The following MAMSTR variants were observed in gnomAD, a reference collection of about 807,000 sequenced individuals.
MAMSTR encodes the protein MEF2-activating motif and SAP domain-containing transcriptional regulator.
In MAMSTR, 41 loss-of-function variants were observed where a neutral mutation model predicts 42.7. The ratio of observed to expected loss-of-function variants is 0.96; its 90% confidence interval spans 0.75 to 1.25. The LOEUF is 1.25. MAMSTR is among the 50% of genes most tolerant of loss of function. MAMSTR has a pLI of 0.00. For synonymous variants in MAMSTR, 265 were observed against 244.1 expected (o/e 1.09, Z -0.80); for missense variants, 567 against 557.6 (o/e 1.02, Z -0.17).
chr19:48,715,824 G>A lies in MAMSTR; in HGVS notation c.98-57C>T, dbSNP rs2032996485. On this transcript the variant is annotated intron_variant, in intron 3 of 9. Transcript: ENST00000318083. ...TGCAGGCAGCAAGCCAGGCCGGGAG[G>A]AGCAAGGCTGTGTGGAAAGCGGGGC... is the stretch of plus-strand genomic sequence containing the variant. 4.0e-6 allele frequency: 6 copies of A among 1,503,774 alleles called. No individual in the cohort carries two copies. The African/African-American group carries it at 4.3e-5, about 11-fold the overall frequency. 93.2% of individuals were successfully genotyped at this position (1,503,774 alleles called of 1,614,324 possible). A position where few individuals can be genotyped will look rare whatever the true frequency, so the allele number is the denominator to read the frequency against.
At chr19:48,718,032 A>G (rs1304971398) in intron 2 of MAMSTR, among the ~76,000 whole-genome samples, 1 of 152,112 alleles carries the variant, frequency 6.6e-6, no homozygotes, top group African/African-American at 2.4e-5. Context: ...TAGTAGAGAC[A>G]TGGTTTCGCC....
chr19:48,715,522 G>T (rs2032976531), intron 4 of MAMSTR, 76 bp from the exon 5 acceptor site: 1 of 1,468,222 alleles, frequency 6.8e-7, no homozygotes, highest in African/African-American at 1.4e-5. Flanking sequence ...TGCAAAGTAT[G>T]GGGTCAGCTC....
At chr19:48,717,094 C>T (rs2033073425) in intron 2 of MAMSTR, 3 of 556,668 alleles carry the variant, frequency 5.4e-6, no homozygotes, top group Admixed American at 6.0e-5. Flanking sequence ...CTTTGCACCT[C>T]GCCTCCCTTT....
In MAMSTR at chr19:48,715,731, G is replaced by A. The variant is rs1353281594; in HGVS notation, c.134C>T (p.Pro45Leu). Residue 45 changes from proline to leucine, a missense_variant, in exon 4 of 10, where the codon CCT (proline) becomes CTT (leucine). Physicochemically the swap from Pro to Leu is moderately conservative, Grantham distance 98. Coordinates refer to ENST00000318083, the MANE Select transcript of MAMSTR (RefSeq NM_001130915.2). ...DPDPWISASD[P>L]PLAPALPSGT... ...CGAGGGCAAGGCCGGGGCCAGAGGA[G>A]GGTCTGAGGCTGAGATCCACGGGTC... 1.3e-6 allele frequency: 2 copies of A among 1,543,664 alleles called. No homozygotes were observed. Among genetic ancestry groups the A allele is most frequent in the Non-Finnish European group, 1.7e-6 (2 of 1,145,232 alleles).
downstream of MAMSTR, among the ~76,000 whole-genome samples, chr19:48,710,920 A>C (rs929065398): frequency 1.3e-5 from 2 of 152,036 alleles, no homozygotes; most frequent in Admixed American, 1.3e-4. Flanking sequence ...TGCTGCTAAC[A>C]ACTTACCCTA....
downstream of MAMSTR, among the ~76,000 whole-genome samples, chr19:48,710,414 C>CTTTTT (rs551847729): frequency 2.9e-5 from 3 of 103,782 alleles, no homozygotes; most frequent in African/African-American, 1.4e-4. Flanking sequence ...TGGGCCCAAT[C>CTTTTT]TTTTTTTTTT....
Position 48,719,133 on chromosome 19 carries a change from A to T in MAMSTR, c.-21-81T>A. On this transcript the variant is annotated intron_variant, in intron 1 of 9. Transcript: ENST00000318083. This position sits in a 1 kb window ranked among gnomAD's most constrained non-coding sequence, Gnocchi z 4.4. ...GTCAGGAGGCCGCCCCTGAGAGTGA[A>T]TTCAGCAGGGAAAGGGCCCGAAGGA... 1 of 973,860 alleles carries T rather than the reference A, an allele frequency of 1.0e-6. No homozygotes were observed. Among genetic ancestry groups the T allele is most frequent in the Non-Finnish European group, 1.6e-6 (1 of 632,718 alleles). 60.3% of individuals were successfully genotyped at this position (973,860 alleles called of 1,614,324 possible). A position where few individuals can be genotyped will look rare whatever the true frequency, so the allele number is the denominator to read the frequency against.
rs985558348 is a variant in MAMSTR at position 48,714,222 on chromosome 19, A to T, written c.723+144T>A. The T allele has an allele frequency of 5.2e-6, 5 of 966,412 alleles. 1 individual carries two copies. In the African/African-American group the frequency reaches 8.4e-5, roughly 16 times the overall value. 59.9% of individuals were successfully genotyped at this position (966,412 alleles called of 1,614,324 possible). ...CTTCTCTAAAGATCCGCCCCCTGTT[A>T]GTCTGAACCACGTCCCCTCGCCTTC... is the stretch of plus-strand genomic sequence containing the variant. On this transcript the variant is annotated intron_variant, in intron 7 of 9. Transcript: ENST00000318083.
rs753424243 is a variant in MAMSTR at position 48,713,250 on chromosome 19, G to A, written c.*17C>T. The stretch of plus-strand genomic sequence containing the variant: ...CCACCCCCATCAGTTCTCTGTCTCT[G>A]TAAATCCTAGAATCCATCACCATGG... On this transcript the variant is annotated 3_prime_UTR_variant, in exon 10 of 10. Coordinates refer to ENST00000318083, the MANE Select transcript of MAMSTR (RefSeq NM_001130915.2). 6 of 1,569,154 alleles carry A rather than the reference G, an allele frequency of 3.8e-6. No individual in the cohort carries two copies. The South Asian group carries it at 7.1e-5, about 18-fold the overall frequency.
chr19:48,711,951 TTTCACC>T (rs2032736147), downstream of MAMSTR, among the ~76,000 whole-genome samples: 3 of 150,894 alleles, frequency 2.0e-5, no homozygotes, highest in East Asian at 3.9e-4. Flanking sequence ...TTTCACCGGG[TTTCACC>T]GTGTTAGCCA....
At chr19:48,714,671 C>T (rs1601249978) in intron 6 of MAMSTR, 111 bp from the exon 7 acceptor site, 4 of 1,250,478 alleles carry the variant, frequency 3.2e-6, no homozygotes, top group Non-Finnish European at 3.4e-6. Flanking sequence ...GGGGTCCGGA[C>T]TCCTGGGACC....
At chr19:48,710,270 A>ATTTTT (rs1351063840), downstream of MAMSTR, among the ~76,000 whole-genome samples, 6 of 111,688 alleles carry the variant, frequency 5.4e-5, no homozygotes, top group African/African-American at 2.1e-4. Flanking sequence ...ACACCTGGCT[A>ATTTTT]ATTATTTTTT....
rs202026525 is a variant in MAMSTR, at chr19:48,713,431, A to G, written c.1084T>C (p.Ser362Pro). The change falls in exon 10 of 10, where the codon TCC (serine) becomes CCC (proline). Residue 362 changes from serine to proline, a missense_variant. Physicochemically the swap from Ser to Pro is moderately conservative, Grantham distance 74 (BLOSUM62 -1). Coordinates refer to ENST00000318083, the MANE Select transcript of MAMSTR (RefSeq NM_001130915.2). ...SSSLPSPTNSSSPSPRDPTDS... is the reference protein window; with the variant it reads ...SSSLPSPTNSPSPSPRDPTDS... ...GTGGGGTCCCTGGGAGAAGGGGAGGAGGAGTTCGTGGGAGACGGGAGTGAA... is the reference window on the plus strand; with the variant it reads ...GTGGGGTCCCTGGGAGAAGGGGAGGGGGAGTTCGTGGGAGACGGGAGTGAA... 580 of 1,612,918 alleles carry G rather than the reference A, an allele frequency of 3.6e-4. 1 individual carries two copies. Among genetic ancestry groups the G allele is most frequent in the Non-Finnish European group, 4.1e-4 (481 of 1,179,676 alleles).
At chr19:48,718,391 T>C (rs1388027433) in intron 2 of MAMSTR, among the ~76,000 whole-genome samples, 3 of 146,392 alleles carry the variant, frequency 2.0e-5, no homozygotes, top group Non-Finnish European at 4.5e-5. Context: ...TTTTTTTTTT[T>C]TTTTTTTTTT....
chr19:48,714,180 T>C, intron 7 of MAMSTR, 135 bp from the exon 8 acceptor site: 3 of 1,086,008 alleles, frequency 2.8e-6, no homozygotes, highest in Non-Finnish European at 3.8e-6. Flanking sequence ...TCGCCCCCTA[T>C]TCTTTCATTG....
chr19:48,706,335 C>T, the MAMSTR span, among the ~76,000 whole-genome samples: 5 of 149,836 alleles, frequency 3.3e-5, no homozygotes, highest in Non-Finnish European at 7.4e-5. Flanking sequence ...TATTACAAGT[C>T]TGGATCAAAA....
chr19:48,709,351 T>C (rs1388770684), downstream of MAMSTR, among the ~76,000 whole-genome samples: 1 of 152,044 alleles, frequency 6.6e-6, no homozygotes, highest in Non-Finnish European at 1.5e-5. Context: ...TTTCTCCATG[T>C]TGGTCAGGCT....
chr19:48,707,838 G>GGAAGGAAAGAAA (rs1555755165), downstream of MAMSTR, among the ~76,000 whole-genome samples: 1 of 90,902 alleles, frequency 1.1e-5, no homozygotes, highest in East Asian at 2.8e-4. Flanking sequence ...AAGAAAGAAA[G>GGAAGGAAAGAAA]GAAAGAAAGA....
In MAMSTR at chr19:48,714,526, C is replaced by A. The variant is rs949549096; in HGVS notation, c.563G>T (p.Gly188Val). The change falls in exon 7 of 10, where the codon GGC becomes GTC. Residue 188 changes from glycine to valine, a missense_variant. Transcript: ENST00000318083. Reference protein sequence around the residue: ...SELRQQLRLRGLPVSGTKSML... With the variant: ...SELRQQLRLRVLPVSGTKSML... ...AGACTTGGTCCCCGACACTGGGAGGCCCCGCAGGCGCAGCTGCTGCCGGAG... is the reference window on the plus strand; with the variant it reads ...AGACTTGGTCCCCGACACTGGGAGGACCCGCAGGCGCAGCTGCTGCCGGAG... The A allele has an allele frequency of 6.9e-6, 10 of 1,454,792 alleles. No homozygotes were observed. Among genetic ancestry groups the A allele is most frequent in the Non-Finnish European group, 9.0e-6 (10 of 1,115,894 alleles). 90.1% of individuals were successfully genotyped at this position (1,454,792 alleles called of 1,614,324 possible).
Sources: allele counts gnomAD v4.1 joint callset (sites outside exome capture counted in the v4.1 genomes callset), GRCh38; gene constraint gnomAD v4.1.1; non-coding constraint Gnocchi (gnomAD v3.1); transcripts MANE v1.5; gene names NCBI Gene and HGNC (gene_info 2026-07-23, HGNC 2026-07-21).